Variants in RAB3B observed in about 807,000 individuals in gnomAD.
RAB3B encodes ras-related protein Rab-3B.
A neutral mutation model predicts 20.5 loss-of-function variants in RAB3B; 11 were observed. The observed-to-expected ratio is 0.54, with a 90% CI of 0.34 to 0.89. RAB3B has a LOEUF of 0.89. Ranked by LOEUF, RAB3B falls within the 40% of genes least tolerant of loss-of-function variation. The pLI, the probability that RAB3B is intolerant of heterozygous loss-of-function variation, is 0.02. For synonymous variants in RAB3B, 99 were observed against 106.3 expected, an observed-to-expected ratio of 0.93 and a Z score of 0.42; for missense variants, 225 against 280.9, an observed-to-expected ratio of 0.80 and a Z score of 1.42.
At chr1:51,937,109 C>T (rs566068727) in intron 3 of RAB3B, among the ~76,000 whole-genome samples, 185 bp downstream of exon 3, 3 of 152,226 alleles carry the variant, frequency 2.0e-5, no homozygotes, top group South Asian at 4.1e-4. Context: ...CCACTGCACC[C>T]GGCCTATCAC....
chr1:51,936,076 G>A (rs1030077709), intron 3 of RAB3B, among the ~76,000 whole-genome samples: 1 of 152,128 alleles, frequency 6.6e-6, no homozygotes, highest in Non-Finnish European at 1.5e-5. Context: ...GTCCTCGAAG[G>A]TCACCATTAG....
intron 2 of RAB3B, among the ~76,000 whole-genome samples, chr1:51,960,617 T>A (rs1274897080): frequency 6.6e-6 from 1 of 152,146 alleles, no homozygotes; most frequent in Non-Finnish European, 1.5e-5. Flanking sequence ...CCCACCCCTG[T>A]CCTTAGCAAC....
chr1:51,934,369 C>T (rs1393833505), intron 3 of RAB3B, among the ~76,000 whole-genome samples: 1 of 152,152 alleles, frequency 6.6e-6, no homozygotes, highest in Non-Finnish European at 1.5e-5. Context: ...CCTCCACCTC[C>T]TCCTATGTGA....
intron 2 of RAB3B, among the ~76,000 whole-genome samples, chr1:51,963,478 A>C (rs907903024): frequency 6.6e-6 from 1 of 152,252 alleles, no homozygotes; most frequent in Non-Finnish European, 1.5e-5. Flanking sequence ...TCCTCAGAGC[A>C]AAACATGGCT....
At chr1:51,966,864 G>A (rs772948005) in intron 2 of RAB3B, among the ~76,000 whole-genome samples, 51 of 152,018 alleles carry the variant, frequency 3.4e-4, no homozygotes, top group Non-Finnish European at 5.1e-4. Flanking sequence ...TGTGCTGCCC[G>A]CTGATCTCTC....
chr1:51,980,315 C>T (rs150398068), intron 1 of RAB3B, among the ~76,000 whole-genome samples: 13 of 151,866 alleles, frequency 8.6e-5, no homozygotes, highest in Non-Finnish European at 1.2e-4. Flanking sequence ...ATAATCCCAG[C>T]TGCTTGGGAG....
At position 51,919,252 on chromosome 1, in the gene RAB3B, G is replaced by A. The variant is rs1684133981; in HGVS notation, c.*675C>T. ...CCCGCCTCGGCCTCCCAAAGTGCTG[G>A]GATTACAGGCGTGAGCCACCGCGCC... On this transcript the variant is annotated 3_prime_UTR_variant, in exon 5 of 5. Coordinates refer to ENST00000371655, the MANE Select transcript of RAB3B (RefSeq NM_002867.4). 1.3e-5 allele frequency: 2 copies of A among 152,374 alleles called. No individual in the cohort carries two copies. The highest frequency in any genetic ancestry group is 6.5e-5 in the Admixed American group (1 of 15,294). The allele number at this position is 152,374 out of a possible 1,614,324, so 9.4% of individuals were successfully genotyped here. A position where few individuals can be genotyped will look rare whatever the true frequency, so the allele number is the denominator to read the frequency against.
intron 1 of RAB3B, among the ~76,000 whole-genome samples, chr1:51,982,677 C>T (rs1043921290): frequency 1.3e-5 from 2 of 151,706 alleles, no homozygotes; most frequent in South Asian, 2.1e-4. Context: ...TGCTTGAACT[C>T]GGGAGGTGGA....
intron 1 of RAB3B, among the ~76,000 whole-genome samples, chr1:51,982,344 T>G (rs1685099030): frequency 6.6e-6 from 1 of 152,292 alleles, no homozygotes; most frequent in Middle Eastern, 3.4e-3. Context: ...GCCAAGGAGT[T>G]TGAGGCTGCA....
At chr1:51,941,732 T>A (rs115470955) in intron 2 of RAB3B, among the ~76,000 whole-genome samples, 4 of 152,166 alleles carry the variant, frequency 2.6e-5, no homozygotes, top group Admixed American at 6.5e-5. Flanking sequence ...TGAATCACCA[T>A]CTTCTTTTCA....
In RAB3B at chr1:51,919,768, G is replaced by T; in HGVS notation, c.*159C>A. On this transcript the variant is annotated 3_prime_UTR_variant, in exon 5 of 5. Coordinates refer to ENST00000371655, the MANE Select transcript of RAB3B (RefSeq NM_002867.4). ...ATCTATTACTGGGACCATCTGCAGA[G>T]AACCCCAGGGGCAGGCAAAGAATAG... The T allele has an allele frequency of 1.5e-6, 1 of 668,680 alleles. No homozygotes were observed. Among genetic ancestry groups the T allele is most frequent in the Non-Finnish European group, 2.5e-6 (1 of 405,184 alleles). The allele number at this position is 668,680 out of a possible 1,614,324, so 41.4% of individuals were successfully genotyped here. A position where few individuals can be genotyped will look rare whatever the true frequency, so the allele number is the denominator to read the frequency against.
intron 1 of RAB3B, among the ~76,000 whole-genome samples, chr1:51,982,874 T>C (rs1399288257): frequency 2.0e-5 from 3 of 152,150 alleles, no homozygotes; most frequent in Non-Finnish European, 4.4e-5. Flanking sequence ...GAGAAACATA[T>C]TTTTAAATAA....
At chr1:51,934,955 T>C (rs938630125) in intron 3 of RAB3B, among the ~76,000 whole-genome samples, 1 of 152,048 alleles carries the variant, frequency 6.6e-6, no homozygotes, top group African/African-American at 2.4e-5. Context: ...AAAGACCCCA[T>C]CAGGTAGAAA....
At chr1:51,975,464 T>C (rs1369954521) in intron 2 of RAB3B, among the ~76,000 whole-genome samples, 2 of 152,210 alleles carry the variant, frequency 1.3e-5, no homozygotes, top group Non-Finnish European at 2.9e-5. Context: ...TTTTGTGTAG[T>C]TTCCTCCCAT....
chr1:51,979,987 G>T (rs1383268401), intron 1 of RAB3B, among the ~76,000 whole-genome samples: 2 of 152,050 alleles, frequency 1.3e-5, no homozygotes, highest in Non-Finnish European at 2.9e-5. Context: ...CTTGTAGTGA[G>T]CTGAGATCCA....
intron 2 of RAB3B, among the ~76,000 whole-genome samples, chr1:51,940,809 C>T (rs1684482737): frequency 6.6e-6 from 1 of 152,004 alleles, no homozygotes; most frequent in Non-Finnish European, 1.5e-5. Flanking sequence ...ATTACATATC[C>T]ATTAAGGACT....
At chr1:51,933,736 A>C (rs936205353) in intron 3 of RAB3B, among the ~76,000 whole-genome samples, 8 of 152,354 alleles carry the variant, frequency 5.3e-5, no homozygotes, top group African/African-American at 1.9e-4. Flanking sequence ...TCCTAGCTCC[A>C]GAACTGTGAG....
chr1:51,970,365 C>T (rs753963802), intron 2 of RAB3B, among the ~76,000 whole-genome samples: 3 of 152,088 alleles, frequency 2.0e-5, no homozygotes, highest in Non-Finnish European at 2.9e-5. Context: ...TGCATGCTCT[C>T]GCTCCCTAAT....
chr1:51,974,539 C>T (rs1427986187), intron 2 of RAB3B, among the ~76,000 whole-genome samples: 2 of 152,156 alleles, frequency 1.3e-5, no homozygotes, highest in Admixed American at 1.3e-4. Context: ...CTCCTCAATG[C>T]CTTTAATAGA....
Sources: allele counts gnomAD v4.1 joint callset (sites outside exome capture counted in the v4.1 genomes callset), GRCh38; gene constraint gnomAD v4.1.1; transcripts MANE v1.5; gene names NCBI Gene and HGNC (gene_info 2026-07-23, HGNC 2026-07-21).